TXN2: variants seen among roughly 807,000 people sequenced by gnomAD.
TXN2 encodes the protein thioredoxin 2.
TXN2 carries 12 observed loss-of-function variants against 14.6 expected under a neutral mutation model. That is an observed-to-expected ratio of 0.82 (90% CI 0.53 to 1.33). The LOEUF (loss-of-function observed/expected upper bound fraction) is 1.33. Ranked by LOEUF, TXN2 falls within the 40% of genes most tolerant of loss-of-function variation. The probability of loss-of-function intolerance (pLI) is 0.00; values close to 1 mark genes in which losing one functional copy is unlikely to be tolerated. For missense variants in TXN2, 173 were observed against 207.7 expected, an observed-to-expected ratio of 0.83 and a Z score of 1.03; for synonymous variants, 89 against 81.0, an observed-to-expected ratio of 1.10 and a Z score of -0.53.
intron 2 of TXN2, among the ~76,000 whole-genome samples, chr22:36,480,316 G>C (rs1246234465): frequency 6.6e-6 from 1 of 152,254 alleles, no homozygotes; most frequent in Non-Finnish European, 1.5e-5. Flanking sequence ...TCTGGTCCAT[G>C]CTAAAGATGA....
intron 3 of TXN2, 53 bp from the exon 4 acceptor site, chr22:36,467,970 A>C (rs1603486888): frequency 4.7e-6 from 7 of 1,483,768 alleles, no homozygotes; most frequent in African/African-American, 1.4e-5. Flanking sequence ...ATACTTCTCA[A>C]CTGCCACTCC....
rs759618044 is a variant in TXN2 at position 36,476,832 on chromosome 22, C to A, written c.288G>T (p.Leu96=). 4 of 1,614,050 alleles carry A rather than the reference C, an allele frequency of 2.5e-6. No homozygotes were observed. The highest frequency in any genetic ancestry group is 2.5e-6 in the Non-Finnish European group (3 of 1,180,046). Residue 96 remains leucine (L), a synonymous_variant, in exon 3 of 4, where the codon CTG becomes CTT. Transcript: ENST00000216185. ...CCACCATCTTCTCTAACCTCGGCCCCAGGATCTTGCAGGGTCCACACCACC... is the reference window on the plus strand; with the variant it reads ...CCACCATCTTCTCTAACCTCGGCCCAAGGATCTTGCAGGGTCCACACCACC... ...HAQWCGPCKI[L]GPRLEKMVAK...
chr22:36,481,475 G>C (rs8140990), intron 1 of TXN2, 89 bp downstream of exon 1: 1 of 666,002 alleles, frequency 1.5e-6, no homozygotes, highest in South Asian at 6.6e-5. Flanking sequence ...AGATCCCCCC[G>C]CCCGCCCGGC....
chr22:36,472,528 C>T (rs1210866063), intron 3 of TXN2, among the ~76,000 whole-genome samples: 3 of 152,216 alleles, frequency 2.0e-5, no homozygotes, highest in South Asian at 4.2e-4. Flanking sequence ...GCTGGGCATG[C>T]GGGAGGACAG....
intron 3 of TXN2, among the ~76,000 whole-genome samples, chr22:36,475,300 C>T (rs1933364159): frequency 6.6e-6 from 1 of 152,212 alleles, no homozygotes; most frequent in South Asian, 2.1e-4. Flanking sequence ...ACTGCTTGAA[C>T]CCGGGAGGCA....
intron 3 of TXN2, chr22:36,468,825 T>G (rs1315769767): frequency 3.6e-5 from 11 of 306,832 alleles, no homozygotes; most frequent in Non-Finnish European, 7.2e-5. Context: ...GCAGATCATT[T>G]GAGGTCAGGA....
chr22:36,477,313 T>C (rs534059213), intron 2 of TXN2, among the ~76,000 whole-genome samples: 11 of 152,288 alleles, frequency 7.2e-5, no homozygotes, highest in African/African-American at 2.6e-4. Flanking sequence ...GTTTACGCCA[T>C]TCTCCTGCCT....
At chr22:36,479,663 A>G (rs1933458646) in intron 2 of TXN2, among the ~76,000 whole-genome samples, 2 of 151,962 alleles carry the variant, frequency 1.3e-5, no homozygotes, top group Non-Finnish European at 2.9e-5. Flanking sequence ...CTTATGCTAC[A>G]CTGGTTTCTC....
intron 2 of TXN2, among the ~76,000 whole-genome samples, chr22:36,480,267 T>C (rs928937983): frequency 2.0e-5 from 3 of 152,194 alleles, no homozygotes; most frequent in African/African-American, 4.8e-5. Flanking sequence ...CAGGAACTGG[T>C]ATACACCAAA....
chr22:36,478,116 G>A (rs1380498648), intron 2 of TXN2, among the ~76,000 whole-genome samples: 2 of 130,810 alleles, frequency 1.5e-5, no homozygotes, highest in Non-Finnish European at 3.1e-5. Flanking sequence ...CAGCCTGGGC[G>A]ACAGAGACTC....
rs144195048 is a variant in TXN2, at chr22:36,476,794, C to T, written c.326G>A (p.Gly109Glu). The change falls in exon 3 of 4, where the codon GGG (glycine) becomes GAG (glutamate). Residue 109 changes from glycine to glutamate, a missense_variant. Coordinates refer to ENST00000216185, the MANE Select transcript of TXN2 (RefSeq NM_012473.4). ...RLEKMVAKQH[G>E]KVVMAKVDID... ...ATCCACCTTGGCCATCACCACCTTC[C>T]CGTGCTGCTTGGCCACCATCTTCTC... The T allele has an allele frequency of 6.2e-7, 1 of 1,614,028 alleles. No individual in the cohort carries two copies. The highest frequency in any genetic ancestry group is 8.5e-7 in the Non-Finnish European group (1 of 1,180,034).
chr22:36,476,898 C>A (rs573683516), intron 2 of TXN2, 42 bp from the exon 3 acceptor site: 2 of 1,612,656 alleles, frequency 1.2e-6, no homozygotes, highest in South Asian at 2.2e-5. Context: ...GTCAAAAGAG[C>A]GCTCAGCATC....
chr22:36,472,933 T>A (rs1330587449), intron 3 of TXN2, among the ~76,000 whole-genome samples: 1 of 151,880 alleles, frequency 6.6e-6, no homozygotes. Context: ...AAAGTCAGTA[T>A]GGGGCCTTCA....
In TXN2 at chr22:36,473,350, G is replaced by A. The variant is rs139036615; in HGVS notation, c.387+3383C>T. On this transcript the variant is annotated intron_variant, in intron 3 of 3. Transcript: ENST00000216185. ...CCCAGCTACTCGGGAGGCTGAGGCA[G>A]GAGAATCGCTTGAACCTGAGAAGCG... Among the ~76,000 whole-genome samples the A allele has an allele frequency of 2.6e-5, 4 of 152,330 alleles. No homozygotes were observed. The East Asian group carries it at 7.7e-4, about 29-fold the overall frequency.
At chr22:36,476,966 T>G in intron 2 of TXN2, 110 bp from the exon 3 acceptor site, 11 of 1,508,478 alleles carry the variant, frequency 7.3e-6, no homozygotes, top group Non-Finnish European at 9.8e-6. Context: ...TTATTATCTC[T>G]GTTTACCATG....
intron 3 of TXN2, 21 bp from the exon 4 acceptor site, chr22:36,467,938 G>A (rs770348005): frequency 2.7e-5 from 44 of 1,601,900 alleles, no homozygotes; most frequent in African/African-American, 5.4e-5. Context: ...AGGACAAGGG[G>A]GTCCAAGTGA....
At chr22:36,468,505 C>A in intron 3 of TXN2, 1 of 308,480 alleles carries the variant, frequency 3.2e-6, no homozygotes, top group Non-Finnish European at 6.5e-6. Flanking sequence ...TGGAGGATTG[C>A]TTGAGTTCAA....
chr22:36,474,197 C>T (rs1321299462), intron 3 of TXN2, among the ~76,000 whole-genome samples: 1 of 152,190 alleles, frequency 6.6e-6, no homozygotes, highest in Non-Finnish European at 1.5e-5. Flanking sequence ...AAAAGTGACT[C>T]ACCCCTCCCC....
At chr22:36,476,109 A>T (rs188167139) in intron 3 of TXN2, among the ~76,000 whole-genome samples, 1 of 152,322 alleles carries the variant, frequency 6.6e-6, no homozygotes, top group Admixed American at 6.5e-5. Flanking sequence ...TGCTTGGCAC[A>T]TCGAGCTCCC....
Sources: gnomAD v4.1 joint callset for allele counts (sites outside exome capture counted in the v4.1 genomes callset) on GRCh38, gnomAD v4.1.1 for gene constraint, MANE v1.5 for transcripts, NCBI Gene and HGNC (gene_info 2026-07-23, HGNC 2026-07-21) for gene names.